DYM: variants seen among roughly 807,000 people sequenced by gnomAD.
DYM encodes dymeclin.
DYM carries 78 observed loss-of-function variants against 93.1 expected under a neutral mutation model. That is an observed-to-expected ratio of 0.84 (90% CI 0.70 to 1.01). DYM has a LOEUF of 1.01. Among genes scored for constraint, DYM ranks in the 50% least tolerant of loss-of-function variants. The pLI, the probability that DYM is intolerant of heterozygous loss-of-function variation, is 0.00. For synonymous variants in DYM, 321 were observed against 319.7 expected, an observed-to-expected ratio of 1.00 and a Z score of -0.04; for missense variants, 789 against 845.0, an observed-to-expected ratio of 0.93 and a Z score of 0.82.
intron 11 of DYM, among the ~76,000 whole-genome samples, chr18:49,271,007 T>C (rs747731235): frequency 8.5e-5 from 13 of 152,132 alleles, no homozygotes; most frequent in Non-Finnish European, 1.5e-4. Flanking sequence ...AAAGAGACTA[T>C]GTACAACAAG....
At chr18:49,202,721 C>T (rs867619131) in intron 14 of DYM, among the ~76,000 whole-genome samples, 70 of 63,636 alleles carry the variant, frequency 1.1e-3, no homozygotes, top group African/African-American at 3.7e-3. Context: ...TATGCCTGGC[C>T]GCCCCGTCTG....
intron 8 of DYM, among the ~76,000 whole-genome samples, chr18:49,319,814 CT>C (rs2062324007): frequency 6.6e-6 from 1 of 152,196 alleles, no homozygotes; most frequent in Non-Finnish European, 1.5e-5. Flanking sequence ...GGGACAGCTG[CT>C]TCTCTCCCTC....
chr18:49,250,777 T>A (rs2094269318), intron 13 of DYM, among the ~76,000 whole-genome samples: 1 of 152,202 alleles, frequency 6.6e-6, no homozygotes, highest in South Asian at 2.1e-4. Flanking sequence ...TTTTTTCTAG[T>A]TCCAGACCAC....
intron 13 of DYM, among the ~76,000 whole-genome samples, chr18:49,247,931 A>ACTGG (rs1273189667): frequency 6.6e-6 from 1 of 152,182 alleles, no homozygotes; most frequent in East Asian, 1.9e-4. Flanking sequence ...TCAAAGTACC[A>ACTGG]CTGGCTGTAG....
At chr18:49,382,581 G>A (rs1265535645) in intron 3 of DYM, among the ~76,000 whole-genome samples, 2 of 152,112 alleles carry the variant, frequency 1.3e-5, no homozygotes, top group East Asian at 1.9e-4. Context: ...CAGGAGGTCC[G>A]ACAGGAAAGC....
intron 8 of DYM, among the ~76,000 whole-genome samples, chr18:49,331,321 G>T (rs905710338): frequency 1.3e-5 from 2 of 152,210 alleles, no homozygotes; most frequent in African/African-American, 4.8e-5. Context: ...AGGACTTATT[G>T]TAAGGTAGGG....
chr18:49,111,487 C>T lies in DYM; in HGVS notation c.1911+7257G>A, dbSNP rs538164027. Among the ~76,000 whole-genome samples, 100 of 152,122 alleles carry T rather than the reference C, an allele frequency of 6.6e-4. 1 individual carries two copies. In the South Asian group the frequency reaches 0.02, roughly 30 times the overall value. On this transcript the variant is annotated intron_variant, in intron 16 of 17. Transcript: ENST00000675505. ...AGAACTGTAGAGACTGACAGAAATA[C>T]TATTTATGATAAATTAGGGCACATC...
In DYM at chr18:49,042,636, C is replaced by T. The variant is rs973045054; in HGVS notation, c.*1419G>A. The T allele has an allele frequency of 4.6e-5, 7 of 152,274 alleles. No individual in the cohort carries two copies. The highest frequency in any genetic ancestry group is 7.3e-5 in the Non-Finnish European group (5 of 68,068). The allele number at this position is 152,274 out of a possible 1,614,324, so 9.4% of individuals were successfully genotyped here. A position where few individuals can be genotyped will look rare whatever the true frequency, so the allele number is the denominator to read the frequency against. ...GACACAGATGAGCTGGCAGTGGATT[C>T]GAACAGTGTGCTCAGTCTCGTCTGG... On this transcript the variant is annotated 3_prime_UTR_variant, in exon 18 of 18. Transcript: ENST00000675505.
At chr18:49,366,260 G>T (rs548631133) in intron 5 of DYM, among the ~76,000 whole-genome samples, 36 of 152,170 alleles carry the variant, frequency 2.4e-4, no homozygotes, top group Non-Finnish European at 4.6e-4. Flanking sequence ...TTCTTATAAG[G>T]CCAAATATCT....
chr18:49,185,648 T>C (rs2090364360), intron 14 of DYM, among the ~76,000 whole-genome samples: 1 of 152,182 alleles, frequency 6.6e-6, no homozygotes, highest in Non-Finnish European at 1.5e-5. Context: ...ATTGTAGTAA[T>C]AGTAGAAAAA....
At chr18:49,159,560 T>C (rs1294976035) in intron 15 of DYM, among the ~76,000 whole-genome samples, 4 of 152,172 alleles carry the variant, frequency 2.6e-5, no homozygotes, top group Non-Finnish European at 5.9e-5. Flanking sequence ...TATGGATGGC[T>C]TTTACTCTTT....
At chr18:49,200,628 T>C (rs1260502497) in intron 14 of DYM, among the ~76,000 whole-genome samples, 7 of 152,060 alleles carry the variant, frequency 4.6e-5, no homozygotes, top group Non-Finnish European at 8.8e-5. Context: ...TTTCTTTAGG[T>C]TAAGTTCTTC....
At chr18:49,415,331 A>AAC in intron 2 of DYM, among the ~76,000 whole-genome samples, 1 of 150,146 alleles carries the variant, frequency 6.7e-6, no homozygotes, top group South Asian at 2.1e-4. Context: ...CAAAAAAAAA[A>AAC]AAAAAAAAAA....
At chr18:49,150,142 A>C (rs1195000656) in intron 15 of DYM, among the ~76,000 whole-genome samples, 1 of 152,222 alleles carries the variant, frequency 6.6e-6, no homozygotes, top group African/African-American at 2.4e-5. Flanking sequence ...TTAATGAGTT[A>C]CTTCACATAG....
At chr18:49,066,267 C>T (rs545798796) in intron 17 of DYM, among the ~76,000 whole-genome samples, 5 of 152,222 alleles carry the variant, frequency 3.3e-5, no homozygotes, top group African/African-American at 9.6e-5. Flanking sequence ...TTGTGGTAGG[C>T]GCTCCCTGCT....
chr18:49,222,734 G>A (rs2093409367), intron 13 of DYM, among the ~76,000 whole-genome samples: 1 of 152,078 alleles, frequency 6.6e-6, no homozygotes, highest in South Asian at 2.1e-4. Flanking sequence ...ATATTAAAAG[G>A]AAGAAGTTAA....
intron 8 of DYM, among the ~76,000 whole-genome samples, chr18:49,314,890 T>C (rs2061827023): frequency 6.6e-6 from 1 of 152,210 alleles, no homozygotes; most frequent in Non-Finnish European, 1.5e-5. Flanking sequence ...TTTTTGTGTG[T>C]TGCAATCATG....
chr18:49,342,329 G>A (rs764319807), intron 6 of DYM, among the ~76,000 whole-genome samples: 1 of 152,128 alleles, frequency 6.6e-6, no homozygotes, highest in Non-Finnish European at 1.5e-5. Context: ...CATGTGATTA[G>A]ACTGGGCCCG....
At position 49,206,921 on chromosome 18, in the gene DYM, A is replaced by C. The variant is rs570778310; in HGVS notation, c.1625+2630T>G. Among the ~76,000 whole-genome samples the C allele has an allele frequency of 1.6e-3, 237 of 152,316 alleles. 2 individuals carry two copies. Among genetic ancestry groups the C allele is most frequent in the Middle Eastern group, 3.4e-3 (1 of 294 alleles). On this transcript the variant is annotated intron_variant, in intron 14 of 17. Coordinates refer to ENST00000675505, the MANE Select transcript of DYM (RefSeq NM_001353214.3). ...AAAGAGGAAACAGAAAATGCAGAAT[A>C]AATTCTACACTGACTCAGAAACTGA...
Sources: allele counts gnomAD v4.1 joint callset (sites outside exome capture counted in the v4.1 genomes callset), GRCh38; gene constraint gnomAD v4.1.1; transcripts MANE v1.5; gene names NCBI Gene and HGNC (gene_info 2026-07-23, HGNC 2026-07-21).